Variants in ULK1 observed in about 807,000 individuals in gnomAD.
The protein encoded by ULK1 is serine/threonine-protein kinase ULK1.
In ULK1, 48 loss-of-function variants were observed where a neutral mutation model predicts 117.5. That is an observed-to-expected ratio of 0.41 (90% CI 0.32 to 0.52). ULK1 has a LOEUF of 0.52. ULK1 is among the 20% of genes least tolerant of loss of function. ULK1 has a pLI of 0.29. For synonymous variants in ULK1, 790 were observed against 637.8 expected (o/e 1.24, Z -3.60); for missense variants, 1,387 against 1,473.4 (o/e 0.94, Z 0.96).
chr12:131,907,027 C>CT lies in ULK1; in HGVS notation c.279+112dup, dbSNP rs138762002. The CT allele has an allele frequency of 6.2e-4, 923 of 1,491,128 alleles. 1 individual carries two copies. Among genetic ancestry groups the CT allele is most frequent in the Middle Eastern group, 1.1e-3 (6 of 5,614 alleles). The allele number at this position is 1,491,128 out of a possible 1,614,324, so 92.4% of individuals were successfully genotyped here. A position where few individuals can be genotyped will look rare whatever the true frequency, so the allele number is the denominator to read the frequency against. On this transcript the variant is annotated intron_variant, in intron 4 of 27. Coordinates refer to ENST00000321867, the MANE Select transcript of ULK1 (RefSeq NM_003565.4). ...GGGGGGAGGGTGATGAGCACCTTTTCTTTTTTTTTGAGATGGAGTCTCACT... is the reference window on the plus strand; with the variant it reads ...GGGGGGAGGGTGATGAGCACCTTTTCTTTTTTTTTTGAGATGGAGTCTCACT...
intron 3 of ULK1, among the ~76,000 whole-genome samples, chr12:131,896,275 G>C (rs1006045838): frequency 4.6e-5 from 7 of 152,044 alleles, no homozygotes; most frequent in Admixed American, 1.3e-4. Context: ...CTCGCTGGCA[G>C]TCAGGGCCGG....
intron 3 of ULK1, among the ~76,000 whole-genome samples, chr12:131,901,464 A>G (rs1949654238): frequency 6.6e-6 from 1 of 152,150 alleles, no homozygotes; most frequent in Non-Finnish European, 1.5e-5. Context: ...CGCCAGCCCA[A>G]AGCCATGCCC....
intron 3 of ULK1, among the ~76,000 whole-genome samples, chr12:131,900,113 T>G (rs934360564): frequency 1.8e-4 from 9 of 51,072 alleles, no homozygotes; most frequent in African/African-American, 8.1e-4. Context: ...TGAAACTCTC[T>G]CAAAAAAAAA....
intron 13 of ULK1, 38 bp downstream of exon 13, chr12:131,912,127 G>T: frequency 6.3e-7 from 1 of 1,589,232 alleles, no homozygotes; most frequent in African/African-American, 1.3e-5. Flanking sequence ...GACGCCTCAG[G>T]TGCGGCGGGG....
At chr12:131,913,103 AGTGTGCGTGG>A in intron 13 of ULK1, 85 bp from the exon 14 acceptor site, 1 of 1,185,990 alleles carries the variant, frequency 8.4e-7, no homozygotes, top group Non-Finnish European at 1.1e-6. Context: ...TGCAAGGTGG[AGTGTGCGTGG>A]GGATCCAGCA....
Position 131,913,841 on chromosome 12 carries a change from G to A in ULK1, c.1247+5G>A. 6.6e-7 allele frequency: 1 copy of A among 1,521,880 alleles called. No homozygotes were observed. Among genetic ancestry groups the A allele is most frequent in the Non-Finnish European group, 8.8e-7 (1 of 1,135,764 alleles). The allele number at this position is 1,521,880 out of a possible 1,614,324, so 94.3% of individuals were successfully genotyped here. A position where few individuals can be genotyped will look rare whatever the true frequency, so the allele number is the denominator to read the frequency against. ...CAGCTCCCCCAGTCCCTCAGGGTAA[G>A]CAGGGCCCCAGGCTGGGTGGATGGG... On this transcript the variant is annotated splice_donor_5th_base_variant and intron_variant, in intron 15 of 27. Coordinates refer to ENST00000321867, the MANE Select transcript of ULK1 (RefSeq NM_003565.4).
rs918348075 is a variant in ULK1, at chr12:131,909,868, G to T, written c.725+35G>T. ...CTCCCGCCTTCCCTTCCCTTCCCCCGCGGGCTCCGGCCCCGCAGGCCCTGC... is the reference window on the plus strand; with the variant it reads ...CTCCCGCCTTCCCTTCCCTTCCCCCTCGGGCTCCGGCCCCGCAGGCCCTGC... On this transcript the variant is annotated intron_variant, in intron 9 of 27. Coordinates refer to ENST00000321867, the MANE Select transcript of ULK1 (RefSeq NM_003565.4). 3.7e-6 allele frequency: 6 copies of T among 1,610,046 alleles called. No individual in the cohort carries two copies. In the South Asian group the frequency reaches 6.6e-5, roughly 18 times the overall value.
chr12:131,918,746 C>CGGGTATGTGGGGTATA, intron 23 of ULK1, 65 bp downstream of exon 23: 1 of 441,976 alleles, frequency 2.3e-6, no homozygotes, highest in African/African-American at 3.4e-5. Context: ...TGTGGGGTGT[C>CGGGTATGTGGGGTATA]GGGTGTGTGG....
rs765932904 is a variant in ULK1, at chr12:131,908,905, C to T, written c.498C>T (p.Phe166=). The change falls in exon 7 of 28, where the codon TTC becomes TTT. Residue 166 remains phenylalanine (F), a synonymous_variant. Transcript: ENST00000321867. The stretch of plus-strand genomic sequence containing the variant: ...GACGCTTCTCTCCCGCAGCTGACTT[C>T]GGCTTCGCGCGGTACCTCCAGAGCA... The part of the protein sequence containing the change: ...PNSIRVKIAD[F]GFARYLQSNM... The T allele has an allele frequency of 5.0e-6, 8 of 1,610,912 alleles. No individual in the cohort carries two copies. The East Asian group carries it at 6.7e-5, about 13-fold the overall frequency.
chr12:131,919,382 G>A lies in ULK1; in HGVS notation c.2682G>A (p.Trp894Ter). 1 of 1,556,062 alleles carries A rather than the reference G, an allele frequency of 6.4e-7. No individual in the cohort carries two copies. Among genetic ancestry groups the A allele is most frequent in the Non-Finnish European group, 8.7e-7 (1 of 1,149,744 alleles). The change falls in exon 24 of 28, where the codon TGG becomes TGA. Residue 894 changes from tryptophan (W) to a stop codon, truncating the protein, a stop_gained and splice_region_variant. Transcript: ENST00000321867. LOFTEE classifies it high-confidence loss of function. The stretch of plus-strand genomic sequence containing the variant: ...AGATCAGCCTGCTGAGCCGAGAATG[G>A]GGGTGGGTGCCGCCAGGGCTGGGGT... The part of the protein sequence containing the change: ...ADQISLLSRE[W>*]GFAEQLVLYL...
chr12:131,907,221 C>A (rs937463323), intron 4 of ULK1, among the ~76,000 whole-genome samples: 5 of 152,150 alleles, frequency 3.3e-5, no homozygotes, highest in African/African-American at 9.7e-5. Context: ...GGTTTCGCCA[C>A]GTTGGCCAGG....
At position 131,922,275 on chromosome 12, in the gene ULK1, C is replaced by T. The variant is rs908879571; in HGVS notation, c.*914C>T. ...AGATGGCACAGGGGCGTGTGGCGGG[C>T]GGGTGAGGCTGCTTTGCACACCTGT... On this transcript the variant is annotated 3_prime_UTR_variant, in exon 28 of 28. Transcript: ENST00000321867. The T allele has an allele frequency of 1.7e-5, 6 of 347,494 alleles. No individual in the cohort carries two copies. Among genetic ancestry groups the T allele is most frequent in the Middle Eastern group, 5.9e-4 (1 of 1,682 alleles). The allele number at this position is 347,494 out of a possible 1,614,324, so 21.5% of individuals were successfully genotyped here. A position where few individuals can be genotyped will look rare whatever the true frequency, so the allele number is the denominator to read the frequency against.
At chr12:131,915,698 G>C (rs1660301338) in intron 18 of ULK1, among the ~76,000 whole-genome samples, 193 bp from the exon 19 acceptor site, 1 of 152,038 alleles carries the variant, frequency 6.6e-6, no homozygotes, top group African/African-American at 2.4e-5. Flanking sequence ...GAACCTGGGA[G>C]GCAGAGGTTG....
intron 3 of ULK1, chr12:131,897,456 A>G (rs1134574): frequency 0.19 from 28,576 of 151,994 alleles, 5,061 homozygotes; most frequent in African/African-American, 0.47. Context: ...AGCCATCCTT[A>G]CAAGGCGATG....
chr12:131,907,097 A>G (rs1176916161), intron 4 of ULK1, among the ~76,000 whole-genome samples, 173 bp downstream of exon 4: 1 of 151,782 alleles, frequency 6.6e-6, no homozygotes, highest in African/African-American at 2.4e-5. Flanking sequence ...GCTTACTGCA[A>G]CCTCCACCTC....
At position 131,921,154 on chromosome 12, in the gene ULK1, C is replaced by T. The variant is rs1376434906; in HGVS notation, c.3016C>T (p.Arg1006Cys). ...MFQHREGCVPRYHKALLLLEG... is the reference protein window; with the variant it reads ...MFQHREGCVPCYHKALLLLEG... ...CCAGCACCGTGAGGGCTGCGTCCCA[C>T]GCTACCACAAGGCCCTGCTGCTCCT... The change falls in exon 27 of 28, where the codon CGC (arginine) becomes TGC (cysteine). Residue 1006 changes from arginine to cysteine, a missense_variant. Arg to Cys is a radical substitution (Grantham distance 180, BLOSUM62 -3). Transcript: ENST00000321867. 2.5e-5 allele frequency: 40 copies of T among 1,604,618 alleles called. No individual in the cohort carries two copies. Among genetic ancestry groups the T allele is most frequent in the Admixed American group, 5.0e-5 (3 of 60,018 alleles).
intron 13 of ULK1, among the ~76,000 whole-genome samples, chr12:131,912,906 G>A (rs887601782): frequency 4.6e-5 from 7 of 152,202 alleles, no homozygotes; most frequent in African/African-American, 1.7e-4. Flanking sequence ...GCTAAAGGCT[G>A]GGGGGCAGGG....
At chr12:131,907,964 T>A (rs1889343956) in intron 5 of ULK1, among the ~76,000 whole-genome samples, 1 of 42,488 alleles carries the variant, frequency 2.4e-5, no homozygotes, top group Non-Finnish European at 4.4e-5. Context: ...CCAGGCTCTC[T>A]GGGTGGGGGT....
chr12:131,920,467 G>T (rs1327594635), intron 26 of ULK1: 4 of 335,384 alleles, frequency 1.2e-5, no homozygotes, highest in Non-Finnish European at 2.2e-5. Flanking sequence ...CGGACAACCT[G>T]CCTGGAAGTG....
Sources: allele counts gnomAD v4.1 joint callset (sites outside exome capture counted in the v4.1 genomes callset), GRCh38; gene constraint gnomAD v4.1.1; transcripts MANE v1.5; gene names NCBI Gene and HGNC (gene_info 2026-07-23, HGNC 2026-07-21).